RLIG1: variants seen among roughly 807,000 people sequenced by gnomAD.
RLIG1 encodes RNA 5'-phosphate and 3'-OH ligase 1, also known as RNA ligase 1.
the RLIG1 span, chr12:88,042,681 G>A: frequency 4.3e-6 from 2 of 468,538 alleles, no homozygotes; most frequent in Middle Eastern, 4.7e-4. Flanking sequence ...GTACTGCTAG[G>A]AGGTATATAT....
the RLIG1 span, among the ~76,000 whole-genome samples, chr12:88,043,108 C>T: frequency 6.6e-6 from 1 of 151,794 alleles, no homozygotes; most frequent in Non-Finnish European, 1.5e-5. Flanking sequence ...ATATTTGTCA[C>T]TTCTTTATAG....
chr12:88,049,067 T>C, the RLIG1 span: 1 of 515,398 alleles, frequency 1.9e-6, no homozygotes, highest in African/African-American at 2.0e-5. Flanking sequence ...AATCTAAGTA[T>C]AAAGGTACAA....
the RLIG1 span, chr12:88,042,697 G>A: frequency 1.9e-6 from 1 of 528,102 alleles, no homozygotes; most frequent in Non-Finnish European, 3.3e-6. Flanking sequence ...TATATTCTTA[G>A]ACTCCATATT....
chr12:88,042,900 A>C, the RLIG1 span: 1 of 1,567,294 alleles, frequency 6.4e-7, no homozygotes, highest in Non-Finnish European at 8.6e-7. Flanking sequence ...AATTTTCTAC[A>C]TTCAAAAGAA....
the RLIG1 span, among the ~76,000 whole-genome samples, chr12:88,036,405 C>T: frequency 5.9e-5 from 9 of 152,162 alleles, no homozygotes; most frequent in Non-Finnish European, 2.9e-5. Context: ...TAGTTGGGTG[C>T]TTCCCAACTT....
At chr12:88,040,276 A>G in the RLIG1 span, 7 of 1,375,456 alleles carry the variant, frequency 5.1e-6, no homozygotes, top group Non-Finnish European at 7.1e-6. Context: ...GTAAAATAAA[A>G]CTATAATATT....
chr12:88,035,730 G>A, the RLIG1 span: 1 of 1,599,516 alleles, frequency 6.3e-7, no homozygotes, highest in Admixed American at 1.7e-5. Context: ...CTCCAAAAGG[G>A]AGCATCAGGT....
the RLIG1 span, chr12:88,043,712 C>T: frequency 2.5e-6 from 4 of 1,600,308 alleles, no homozygotes; most frequent in Non-Finnish European, 3.4e-6. Flanking sequence ...TGGACACATT[C>T]CTGGTATCAT....
At chr12:88,042,925 G>C in the RLIG1 span, 2 of 1,516,186 alleles carry the variant, frequency 1.3e-6, no homozygotes, top group Non-Finnish European at 1.8e-6. Flanking sequence ...CAAAAGGTTA[G>C]TTTTTTTTTA....
chr12:88,049,230 T>A, the RLIG1 span: 4 of 1,604,206 alleles, frequency 2.5e-6, no homozygotes, highest in South Asian at 2.3e-5. Flanking sequence ...ATCTTCAAAC[T>A]CTTCAGAAGC....
chr12:88,046,834 ATCT>A, the RLIG1 span: 1 of 1,611,778 alleles, frequency 6.2e-7, no homozygotes, highest in Non-Finnish European at 8.5e-7. Context: ...CATCCATTAC[ATCT>A]TCTTATACCA....
the RLIG1 span, chr12:88,040,289 C>G: frequency 8.1e-7 from 1 of 1,229,596 alleles, no homozygotes; most frequent in Non-Finnish European, 1.2e-6. Context: ...ATAATATTTA[C>G]TACAAATATT....
chr12:88,042,740 G>C, the RLIG1 span: 3 of 838,818 alleles, frequency 3.6e-6, no homozygotes, highest in Admixed American at 1.2e-4. Context: ...TTAGCCTCCT[G>C]TTTGTTGACA....
chr12:88,049,192 T>G, the RLIG1 span: 6 of 1,583,454 alleles, frequency 3.8e-6, no homozygotes, highest in African/African-American at 8.1e-5. Context: ...CTTTAGTAAA[T>G]GGGGAAATTA....
chr12:88,043,546 T>G, the RLIG1 span: 1 of 1,176,924 alleles, frequency 8.5e-7, no homozygotes, highest in South Asian at 1.4e-5. Flanking sequence ...GTTTAGTATT[T>G]TACGTTTTTT....
At chr12:88,036,570 G>A in the RLIG1 span, among the ~76,000 whole-genome samples, 2 of 152,178 alleles carry the variant, frequency 1.3e-5, no homozygotes, top group Non-Finnish European at 2.9e-5. Flanking sequence ...CTGGCACGTG[G>A]TAGGCACTGG....
chr12:88,042,537 T>C, the RLIG1 span: 15 of 209,196 alleles, frequency 7.2e-5, no homozygotes, highest in African/African-American at 3.2e-4. Flanking sequence ...AAGAGGTAGC[T>C]TCAGTTGTCC....
chr12:88,046,032 C>T, the RLIG1 span, among the ~76,000 whole-genome samples: 5 of 152,044 alleles, frequency 3.3e-5, no homozygotes, highest in African/African-American at 1.2e-4. Context: ...AAAGTAATGA[C>T]TCAGTTGTAA....
At chr12:88,046,382 C>T in the RLIG1 span, among the ~76,000 whole-genome samples, 7 of 152,076 alleles carry the variant, frequency 4.6e-5, no homozygotes, top group Non-Finnish European at 1.0e-4. Flanking sequence ...GTTTGGCAAA[C>T]GTTGAAGAAT....
Sources: allele counts gnomAD v4.1 joint callset (sites outside exome capture counted in the v4.1 genomes callset), GRCh38; gene constraint gnomAD v4.1.1; transcripts MANE v1.5; gene names NCBI Gene and HGNC (gene_info 2026-07-23, HGNC 2026-07-21).